Variants in GABBR2 observed in about 807,000 individuals in gnomAD.
GABBR2 encodes the protein G-protein coupled receptor 51.
In GABBR2, 23 loss-of-function variants were observed where a neutral mutation model predicts 105.6. The observed-to-expected ratio is 0.22, with a 90% confidence interval of 0.16 to 0.31. GABBR2 has a LOEUF of 0.31. Among genes scored for constraint, GABBR2 ranks in the 10% least tolerant of loss-of-function variants. The probability of loss-of-function intolerance (pLI) is 1.00; values close to 1 mark genes in which losing one functional copy is unlikely to be tolerated. For synonymous variants in GABBR2, 478 were observed against 499.7 expected, an observed-to-expected ratio of 0.96 and a Z score of 0.58; for missense variants, 734 against 1,245.5, an observed-to-expected ratio of 0.59 and a Z score of 6.18.
intron 7 of GABBR2, among the ~76,000 whole-genome samples, chr9:98,408,911 C>T (rs1028561374): frequency 9.9e-5 from 15 of 152,276 alleles, no homozygotes; most frequent in African/African-American, 3.4e-4. Flanking sequence ...CCTCAGCCTG[C>T]GATTACAGGC....
intron 7 of GABBR2, among the ~76,000 whole-genome samples, chr9:98,426,805 C>G (rs1825701887): frequency 1.3e-5 from 2 of 152,198 alleles, no homozygotes; most frequent in Admixed American, 1.3e-4. Flanking sequence ...AGTTCAAGAT[C>G]AGCCTGGCTA....
intron 3 of GABBR2, among the ~76,000 whole-genome samples, chr9:98,526,652 G>A (rs888301629): frequency 2.6e-5 from 4 of 152,096 alleles, no homozygotes; most frequent in South Asian, 2.1e-4. Context: ...CAGGGACTTT[G>A]TTTCACTCAC....
intron 13 of GABBR2, among the ~76,000 whole-genome samples, chr9:98,324,551 C>T (rs892932714): frequency 1.9e-4 from 28 of 149,162 alleles, no homozygotes; most frequent in Admixed American, 7.3e-4. Context: ...CAGAGTAGTG[C>T]ATTCCAGAAC....
intron 4 of GABBR2, among the ~76,000 whole-genome samples, chr9:98,481,688 T>C (rs1406794727): frequency 6.6e-6 from 1 of 152,222 alleles, no homozygotes; most frequent in Non-Finnish European, 1.5e-5. Flanking sequence ...TGGTAGTACG[T>C]TCCTTACCGG....
intron 1 of GABBR2, among the ~76,000 whole-genome samples, chr9:98,676,492 C>T (rs1830479007): frequency 6.6e-6 from 1 of 152,202 alleles, no homozygotes; most frequent in South Asian, 2.1e-4. Flanking sequence ...CTAGGTATGA[C>T]TATGTGACAA....
chr9:98,673,712 T>G (rs887786351), intron 1 of GABBR2, among the ~76,000 whole-genome samples: 1 of 152,126 alleles, frequency 6.6e-6, no homozygotes, highest in African/African-American at 2.4e-5. Flanking sequence ...CCGAGTACAA[T>G]TGATGCCCTA....
intron 1 of GABBR2, among the ~76,000 whole-genome samples, chr9:98,704,350 CCCCT>C (rs1830868192): frequency 2.6e-5 from 4 of 152,288 alleles, no homozygotes; most frequent in Middle Eastern, 3.4e-3. Context: ...GACAGTTGTA[CCCCT>C]AGACTGGGCT....
chr9:98,354,364 C>T (rs1308370905), intron 13 of GABBR2, among the ~76,000 whole-genome samples: 2 of 152,228 alleles, frequency 1.3e-5, no homozygotes, highest in Non-Finnish European at 2.9e-5. Flanking sequence ...GAGAGTCAGC[C>T]TTTCCTCTGA....
At chr9:98,331,641 T>A (rs1031255459) in intron 13 of GABBR2, among the ~76,000 whole-genome samples, 1 of 152,132 alleles carries the variant, frequency 6.6e-6, no homozygotes. Context: ...GTTTGGCAGA[T>A]GAATGAATGA....
At chr9:98,693,069 G>A (rs781599815) in intron 1 of GABBR2, among the ~76,000 whole-genome samples, 39 of 152,314 alleles carry the variant, frequency 2.6e-4, no homozygotes, top group South Asian at 1.5e-3. Flanking sequence ...ATCAGCGAGT[G>A]TTCCTCACCC....
At chr9:98,318,684 C>A (rs1469744031) in intron 13 of GABBR2, among the ~76,000 whole-genome samples, 4 of 152,192 alleles carry the variant, frequency 2.6e-5, no homozygotes, top group Non-Finnish European at 5.9e-5. Context: ...AGGCCCAGCC[C>A]AGCCCGGCCC....
chr9:98,298,893 G>T (rs555113125), intron 17 of GABBR2, among the ~76,000 whole-genome samples: 1 of 152,288 alleles, frequency 6.6e-6, no homozygotes, highest in South Asian at 2.1e-4. Flanking sequence ...GAGAAGAAAG[G>T]GTAAACTATT....
intron 2 of GABBR2, among the ~76,000 whole-genome samples, chr9:98,567,948 C>A (rs1828774415): frequency 6.6e-6 from 1 of 152,162 alleles, no homozygotes; most frequent in Admixed American, 6.5e-5. Context: ...ACAGCAGGCG[C>A]TGCACTTGTT....
chr9:98,498,756 C>G (rs1416911441), intron 3 of GABBR2, among the ~76,000 whole-genome samples: 1 of 151,778 alleles, frequency 6.6e-6, no homozygotes, highest in Non-Finnish European at 1.5e-5. Flanking sequence ...AGATTGGTAA[C>G]TAGTCAATGG....
At chr9:98,533,777 T>C (rs1828116089) in intron 3 of GABBR2, among the ~76,000 whole-genome samples, 1 of 151,826 alleles carries the variant, frequency 6.6e-6, no homozygotes, top group South Asian at 2.1e-4. Context: ...TTGAGCCAGA[T>C]GGAGGGCAGG....
At chr9:98,313,317 A>ATTCCC (rs1292314142) in intron 13 of GABBR2, among the ~76,000 whole-genome samples, 1 of 152,164 alleles carries the variant, frequency 6.6e-6, no homozygotes, top group Admixed American at 6.6e-5. Context: ...GGTGTTTAGA[A>ATTCCC]ACCAAGATGT....
At position 98,557,299 on chromosome 9, in the gene GABBR2, G is replaced by C. The variant is rs185306725; in HGVS notation, c.460-15256C>G. Among the ~76,000 whole-genome samples, 31 of 152,182 alleles carry C rather than the reference G, an allele frequency of 2.0e-4. No individual in the cohort carries two copies. In the East Asian group the frequency reaches 5.6e-3, roughly 28 times the overall value. On this transcript the variant is annotated intron_variant, in intron 2 of 18. Coordinates refer to ENST00000259455, the MANE Select transcript of GABBR2 (RefSeq NM_005458.8). Reference sequence around the variant, plus strand: ...TTCCTACCTCCAGTCTACGCAGGGGGTGTCTCCCCTACTGCACCTCCATCA... The same window carrying C: ...TTCCTACCTCCAGTCTACGCAGGGGCTGTCTCCCCTACTGCACCTCCATCA...
chr9:98,677,734 T>A (rs1399363416), intron 1 of GABBR2, among the ~76,000 whole-genome samples: 1 of 152,056 alleles, frequency 6.6e-6, no homozygotes, highest in Non-Finnish European at 1.5e-5. Context: ...CGGGCCCTCT[T>A]ATTGTTCTCA....
intron 13 of GABBR2, among the ~76,000 whole-genome samples, chr9:98,326,501 A>T (rs960643222): frequency 1.3e-5 from 2 of 152,180 alleles, no homozygotes; most frequent in African/African-American, 4.8e-5. Context: ...TGGGTGTGGG[A>T]GATCATGTGA....
Sources: allele counts gnomAD v4.1 joint callset (sites outside exome capture counted in the v4.1 genomes callset), GRCh38; gene constraint gnomAD v4.1.1; transcripts MANE v1.5; gene names NCBI Gene and HGNC (gene_info 2026-07-23, HGNC 2026-07-21).